Variants in LGI2 observed in about 807,000 individuals in gnomAD.
LGI2 encodes the protein leucine rich repeat LGI family member 2, also known as leucine-rich repeat LGI family member 2.
A neutral mutation model predicts 52.0 loss-of-function variants in LGI2; 30 were observed. That is an observed-to-expected ratio of 0.58 (90% CI 0.43 to 0.78). LGI2 has a LOEUF of 0.78. LGI2 is among the 30% of genes least tolerant of loss of function. The pLI is 0.00. For synonymous variants in LGI2, 270 were observed against 271.8 expected, an observed-to-expected ratio of 0.99 and a Z score of 0.06; for missense variants, 573 against 692.5, an observed-to-expected ratio of 0.83 and a Z score of 1.94.
At chr4:25,014,274 T>C (rs1725677279) in intron 6 of LGI2, among the ~76,000 whole-genome samples, 1 of 152,160 alleles carries the variant, frequency 6.6e-6, no homozygotes, top group African/African-American at 2.4e-5. Flanking sequence ...AAGTTTCTGT[T>C]TTTATTGAAG....
At chr4:25,023,291 C>G (rs1726034011) in intron 4 of LGI2, among the ~76,000 whole-genome samples, 1 of 152,162 alleles carries the variant, frequency 6.6e-6, no homozygotes, top group African/African-American at 2.4e-5. Context: ...CTATCCAAGC[C>G]TATACGACTC....
intron 6 of LGI2, among the ~76,000 whole-genome samples, chr4:25,013,795 G>T (rs1393781771): frequency 6.6e-6 from 1 of 152,118 alleles, no homozygotes; most frequent in East Asian, 1.9e-4. Context: ...GAAGAGTCAT[G>T]GCTCTCCCTC....
At position 25,018,105 on chromosome 4, in the gene LGI2, A is replaced by C. The variant is rs767111885; in HGVS notation, c.539T>G (p.Leu180Arg). ...ECDCKAKWLYLWLKMTNSTVS... is the reference protein window; with the variant it reads ...ECDCKAKWLYRWLKMTNSTVS... Reference sequence around the variant, plus strand: ...GGTGGAATTTGTCATCTTCAACCACAGGTATAGCCACTTGGCTTTGCAGTC... The same window carrying C: ...GGTGGAATTTGTCATCTTCAACCACCGGTATAGCCACTTGGCTTTGCAGTC... The change falls in exon 6 of 8, where the codon CTG becomes CGG. Residue 180 changes from leucine (L) to arginine (R), a missense_variant. Coordinates refer to ENST00000382114, the MANE Select transcript of LGI2 (RefSeq NM_018176.4). 9 of 1,612,828 alleles carry C rather than the reference A, an allele frequency of 5.6e-6. No individual in the cohort carries two copies. The Admixed American group carries it at 1.5e-4, about 27-fold the overall frequency.
chr4:25,010,104 AC>A (rs1239867100), intron 7 of LGI2, among the ~76,000 whole-genome samples: 1 of 150,950 alleles, frequency 6.6e-6, no homozygotes, highest in Non-Finnish European at 1.5e-5. Context: ...ACATAGTGAA[AC>A]CCCGTCTCTA....
In LGI2 at chr4:25,004,219, A is replaced by G. The variant is rs1725335499; in HGVS notation, c.870T>C (p.Phe290=). 4 of 1,614,166 alleles carry G rather than the reference A, an allele frequency of 2.5e-6. No homozygotes were observed. Among genetic ancestry groups the G allele is most frequent in the Non-Finnish European group, 3.4e-6 (4 of 1,180,022 alleles). ...CKAILIDDQV[F]VVVAQLFGGS... ...CACCGAAGAGCTGGGCTACCACCACAAAGACCTGATCATCGATGAGAATGG... is the reference window on the plus strand; with the variant it reads ...CACCGAAGAGCTGGGCTACCACCACGAAGACCTGATCATCGATGAGAATGG... The change falls in exon 8 of 8, where the codon TTT becomes TTC. Residue 290 remains phenylalanine (F), a synonymous_variant. Transcript: ENST00000382114. The surrounding 1 kb of genome is among the most constrained non-coding windows in gnomAD (Gnocchi z 4.6).
rs953616919 is a variant in LGI2 at position 25,027,049 on chromosome 4, T to C, written c.270-110A>G. 9.4e-6 allele frequency: 8 copies of C among 848,468 alleles called. No individual in the cohort carries two copies. The Admixed American group carries it at 9.7e-5, about 10-fold the overall frequency. The allele number at this position is 848,468 out of a possible 1,614,324, so 52.6% of individuals were successfully genotyped here. A position where few individuals can be genotyped will look rare whatever the true frequency, so the allele number is the denominator to read the frequency against. On this transcript the variant is annotated intron_variant, in intron 2 of 7. Transcript: ENST00000382114. ...TGATCTGTGGGCAAACATGAGCTCT[T>C]CTTAGCCTAAGGAGACCACATTTTG... is the stretch of plus-strand genomic sequence containing the variant.
chr4:25,030,704 C>T lies in LGI2; in HGVS notation c.-11G>A, dbSNP rs1215690421. The T allele has an allele frequency of 6.4e-5, 82 of 1,289,480 alleles. No individual in the cohort carries two copies. The highest frequency in any genetic ancestry group is 7.8e-5 in the Non-Finnish European group (80 of 1,023,240). 79.9% of individuals were successfully genotyped at this position (1,289,480 alleles called of 1,614,324 possible). A position where few individuals can be genotyped will look rare whatever the true frequency, so the allele number is the denominator to read the frequency against. On this transcript the variant is annotated 5_prime_UTR_variant, in exon 1 of 8. Transcript: ENST00000382114. ...TCTCCGCAGCGCCATGCCCGGTCCC[C>T]GCTCCCCGCCCGGGCCCCGACCCCC...
chr4:25,008,280 C>T (rs1376220033), intron 7 of LGI2, among the ~76,000 whole-genome samples: 3 of 152,160 alleles, frequency 2.0e-5, no homozygotes, highest in African/African-American at 7.2e-5. Context: ...TGGCCAGGCA[C>T]GTTGTCTCAC....
chr4:25,022,042 T>C (rs1055388098), intron 4 of LGI2, among the ~76,000 whole-genome samples: 1 of 151,934 alleles, frequency 6.6e-6, no homozygotes, highest in South Asian at 2.1e-4. Context: ...AGGAAGTATG[T>C]CCTGCTGGCT....
chr4:25,018,193 G>T, intron 5 of LGI2, 35 bp from the exon 6 acceptor site: 1 of 1,464,726 alleles, frequency 6.8e-7, no homozygotes, highest in Non-Finnish European at 9.3e-7. Flanking sequence ...CACATACAAA[G>T]AGAAATAGAT....
Position 25,015,273 on chromosome 4 carries a change from C to T in LGI2, c.655+2716G>A, listed in dbSNP as rs1725723678. Among the ~76,000 whole-genome samples the T allele has an allele frequency of 1.3e-5, 2 of 152,182 alleles. 1 individual carries two copies. Among genetic ancestry groups the T allele is most frequent in the Admixed American group, 1.3e-4 (2 of 15,284 alleles). Reference sequence around the variant, plus strand: ...ATTTCTCTGTGCATTTTCATCAGCCCTGAAAAGGGGAAGCTAACAGGACAA... The same window carrying T: ...ATTTCTCTGTGCATTTTCATCAGCCTTGAAAAGGGGAAGCTAACAGGACAA... On this transcript the variant is annotated intron_variant, in intron 6 of 7. Coordinates refer to ENST00000382114, the MANE Select transcript of LGI2 (RefSeq NM_018176.4).
downstream of LGI2, among the ~76,000 whole-genome samples, chr4:24,993,906 G>T (rs1311717824): frequency 6.6e-6 from 1 of 152,178 alleles, no homozygotes; most frequent in Non-Finnish European, 1.5e-5. Context: ...AGATGGAAAT[G>T]GGGGGTTGGA....
intron 7 of LGI2, among the ~76,000 whole-genome samples, chr4:25,011,187 T>TCCTCC (rs1312503845): frequency 1.3e-5 from 2 of 152,014 alleles, no homozygotes; most frequent in African/African-American, 2.4e-5. Context: ...GACCAGCTCA[T>TCCTCC]CCTCCCCTCC....
chr4:24,999,770 C>T lies in LGI2; in HGVS notation c.*3681G>A. ...TCTTTCCTAAAAATACACAGACTCT[C>T]ACTCCATGGGGAAGAAAAAATGCAA... On this transcript the variant is annotated 3_prime_UTR_variant, in exon 8 of 8. Coordinates refer to ENST00000382114, the MANE Select transcript of LGI2 (RefSeq NM_018176.4). The T allele has an allele frequency of 2.2e-6, 1 of 455,424 alleles. No homozygotes were observed. Among genetic ancestry groups the T allele is most frequent in the Non-Finnish European group, 4.4e-6 (1 of 226,668 alleles). 28.2% of individuals were successfully genotyped at this position (455,424 alleles called of 1,614,324 possible).
Position 25,024,844 on chromosome 4 carries a change from C to G in LGI2, c.389G>C (p.Arg130Pro). 1.2e-6 allele frequency: 2 copies of G among 1,608,366 alleles called. No homozygotes were observed. The highest frequency in any genetic ancestry group is 2.2e-5 in the East Asian group (1 of 44,750). ...CAGGTGAGTCAGGTCACGGAGGCCACGAAAGGCATTTCTTGAAATGGTTTC... is the reference window on the plus strand; with the variant it reads ...CAGGTGAGTCAGGTCACGGAGGCCAGGAAAGGCATTTCTTGAAATGGTTTC... ...KIETISRNAFRGLRDLTHLSL... is the reference protein window; with the variant it reads ...KIETISRNAFPGLRDLTHLSL... The change falls in exon 4 of 8, where the codon CGT becomes CCT. Residue 130 changes from arginine to proline, a missense_variant. Physicochemically the swap from Arg to Pro is moderately radical, Grantham distance 103. Coordinates refer to ENST00000382114, the MANE Select transcript of LGI2 (RefSeq NM_018176.4).
chr4:25,020,502 A>C (rs1194356360), intron 4 of LGI2, among the ~76,000 whole-genome samples: 1 of 152,244 alleles, frequency 6.6e-6, no homozygotes, highest in East Asian at 1.9e-4. Flanking sequence ...TCAGCCAAGA[A>C]ACTGATGCCT....
chr4:25,030,561 C>G lies in LGI2; in HGVS notation c.133G>C (p.Glu45Gln), dbSNP rs1324728540. The change falls in exon 1 of 8, where the codon GAG becomes CAG. Residue 45 changes from glutamate to glutamine, a missense_variant. Transcript: ENST00000382114. ...RCPATCSCTK[E>Q]SIICVGSSWV... is the part of the protein sequence containing the mutation. The stretch of plus-strand genomic sequence containing the variant: ...GAAGAGCCCACGCAGATGATAGACT[C>G]CTTGGTACAGCTGCAAGTGGCGGGG... 2.5e-6 allele frequency: 4 copies of G among 1,593,454 alleles called. No individual in the cohort carries two copies. The highest frequency in any genetic ancestry group is 3.4e-6 in the Non-Finnish European group (4 of 1,171,802).
intron 2 of LGI2, among the ~76,000 whole-genome samples, chr4:25,027,390 T>C (rs1284125451): frequency 1.7e-4 from 11 of 65,504 alleles, no homozygotes; most frequent in Non-Finnish European, 3.0e-4. Context: ...CCCATAACAA[T>C]AGTTAAAAAA....
chr4:24,996,535 C>T (rs1725087808), downstream of LGI2, among the ~76,000 whole-genome samples: 1 of 152,216 alleles, frequency 6.6e-6, no homozygotes, highest in Non-Finnish European at 1.5e-5. Flanking sequence ...GAGAGAGTCA[C>T]ACCACGGTGA....
Sources: allele counts gnomAD v4.1 joint callset (sites outside exome capture counted in the v4.1 genomes callset), GRCh38; gene constraint gnomAD v4.1.1; non-coding constraint Gnocchi (gnomAD v3.1); transcripts MANE v1.5; gene names NCBI Gene and HGNC (gene_info 2026-07-23, HGNC 2026-07-21).